Variants in CCDC170 observed in about 807,000 individuals in gnomAD.
CCDC170 encodes coiled-coil domain containing 170, also known as coiled-coil domain-containing protein 170.
Under a neutral mutation model 72.6 loss-of-function variants are expected in CCDC170, and 69 were observed. The ratio of observed to expected loss-of-function variants is 0.95; its 90% confidence interval spans 0.78 to 1.16. The LOEUF (loss-of-function observed/expected upper bound fraction) is 1.16, where lower values mean the gene tolerates loss of function less well. CCDC170 is among the 50% of genes most tolerant of loss of function. The pLI is 0.00. For synonymous variants in CCDC170, 300 were observed against 303.9 expected (o/e 0.99, Z 0.13); for missense variants, 852 against 832.5 (o/e 1.02, Z -0.29).
At chr6:151,505,670 C>A (rs569930857) in intron 1 of CCDC170, among the ~76,000 whole-genome samples, 2 of 151,600 alleles carry the variant, frequency 1.3e-5, no homozygotes, top group East Asian at 1.9e-4. Flanking sequence ...GGCGACAAAG[C>A]GAGACTCCGT....
rs548886061 is a variant in CCDC170, at chr6:151,537,790, T to C, written c.187-255T>C. On this transcript the variant is annotated intron_variant, in intron 2 of 10. Transcript: ENST00000239374. ...TTTATTGCTTATGCAATCAACATCA[T>C]AAATGTCTCCTGAATGAGACTAAAC... Among the ~76,000 whole-genome samples the C allele has an allele frequency of 4.6e-5, 7 of 152,308 alleles. No homozygotes were observed. In the South Asian group the frequency reaches 1.4e-3, roughly 32 times the overall value.
chr6:151,518,600 A>G (rs954167816), intron 1 of CCDC170, among the ~76,000 whole-genome samples: 1 of 132,698 alleles, frequency 7.5e-6, no homozygotes, highest in Non-Finnish European at 1.7e-5. Context: ...GGCTATTTTT[A>G]TAGTTATTTC....
intron 1 of CCDC170, among the ~76,000 whole-genome samples, chr6:151,498,852 G>A (rs151333039): frequency 3.4e-4 from 49 of 143,090 alleles, no homozygotes; most frequent in African/African-American, 9.3e-4. Context: ...TTCTAGGCAC[G>A]CTGTATAAGT....
chr6:151,560,339 A>G, intron 5 of CCDC170, among the ~76,000 whole-genome samples: 1 of 151,964 alleles, frequency 6.6e-6, no homozygotes, highest in East Asian at 1.9e-4. Context: ...GATATGATTT[A>G]GTTTCTTTTT....
chr6:151,565,368 G>A (rs1038787473), intron 5 of CCDC170, among the ~76,000 whole-genome samples: 3 of 152,194 alleles, frequency 2.0e-5, no homozygotes, highest in Non-Finnish European at 2.9e-5. Context: ...CTCTGGGCCT[G>A]TGAGGGGCTC....
At chr6:151,553,665 ATGT>A (rs1163231386) in intron 5 of CCDC170, among the ~76,000 whole-genome samples, 1 of 152,120 alleles carries the variant, frequency 6.6e-6, no homozygotes, top group Non-Finnish European at 1.5e-5. Context: ...GACTGATGCA[ATGT>A]TGTTCAGACT....
At chr6:151,607,394 G>T (rs1027970382) in intron 9 of CCDC170, among the ~76,000 whole-genome samples, 1 of 151,948 alleles carries the variant, frequency 6.6e-6, no homozygotes, top group Admixed American at 6.6e-5. Flanking sequence ...TTCGCAGTTT[G>T]CAGTTTGGTG....
chr6:151,552,288 T>G (rs989967628), intron 5 of CCDC170, among the ~76,000 whole-genome samples: 1 of 142,342 alleles, frequency 7.0e-6, no homozygotes, highest in African/African-American at 2.7e-5. Flanking sequence ...TAAGTTTGAC[T>G]ACGAATCTCT....
At chr6:151,559,589 T>C (rs967159728) in intron 5 of CCDC170, among the ~76,000 whole-genome samples, 1 of 152,216 alleles carries the variant, frequency 6.6e-6, no homozygotes, top group Non-Finnish European at 1.5e-5. Flanking sequence ...TTTATAAGCT[T>C]TAAGAGTTTT....
chr6:151,602,669 G>A (rs1428131485), intron 9 of CCDC170, among the ~76,000 whole-genome samples: 1 of 152,088 alleles, frequency 6.6e-6, no homozygotes, highest in East Asian at 1.9e-4. Flanking sequence ...ACTCTTGCCT[G>A]CCACCATGTA....
intron 1 of CCDC170, among the ~76,000 whole-genome samples, chr6:151,502,224 G>A (rs1420650115): frequency 6.6e-6 from 1 of 152,100 alleles, no homozygotes; most frequent in South Asian, 2.1e-4. Context: ...AGTGAACCAC[G>A]ATCACGCCAC....
chr6:151,494,152 T>C lies in CCDC170; in HGVS notation c.24T>C (p.His8=). The C allele has an allele frequency of 6.5e-7, 1 of 1,528,048 alleles. No individual in the cohort carries two copies. The highest frequency in any genetic ancestry group is 8.8e-7 in the Non-Finnish European group (1 of 1,142,750). 94.7% of individuals were successfully genotyped at this position (1,528,048 alleles called of 1,614,324 possible). A position where few individuals can be genotyped will look rare whatever the true frequency, so the allele number is the denominator to read the frequency against. The stretch of plus-strand genomic sequence containing the variant: ...TCATGAGCCTGGACTGCACCAGCCA[T>C]ATCGCGCTGGGTGCCGCTTCGCCAG... MSLDCTS[H]IALGAASPAP... is the part of the protein sequence containing the mutation. Residue 8 remains histidine (H), a synonymous_variant, in exon 1 of 11, where the codon CAT becomes CAC. Transcript: ENST00000239374.
chr6:151,584,049 G>A (rs1244961303), intron 6 of CCDC170, among the ~76,000 whole-genome samples: 2 of 152,194 alleles, frequency 1.3e-5, no homozygotes, highest in Non-Finnish European at 2.9e-5. Context: ...TAGTATTGCC[G>A]AAATGTGACA....
At chr6:151,582,490 T>C (rs973650524) in intron 6 of CCDC170, among the ~76,000 whole-genome samples, 2 of 152,216 alleles carry the variant, frequency 1.3e-5, no homozygotes, top group Admixed American at 1.3e-4. Flanking sequence ...TGATGTCTAT[T>C]CAGACCACTC....
intron 5 of CCDC170, among the ~76,000 whole-genome samples, chr6:151,549,187 G>A (rs1386516044): frequency 6.6e-6 from 1 of 152,070 alleles, no homozygotes; most frequent in Non-Finnish European, 1.5e-5. Context: ...TTACAGGCGT[G>A]AGCCACCACG....
intron 1 of CCDC170, 106 bp from the exon 2 acceptor site, chr6:151,536,212 G>A (rs1782576179): frequency 1.6e-6 from 2 of 1,284,718 alleles, no homozygotes; most frequent in African/African-American, 2.9e-5. Flanking sequence ...TGACATATTT[G>A]GAATACAAAG....
At chr6:151,589,030 G>A (rs570667052) in intron 7 of CCDC170, among the ~76,000 whole-genome samples, 36 of 152,168 alleles carry the variant, frequency 2.4e-4, no homozygotes, top group African/African-American at 7.9e-4. Context: ...GAGGTGGGTG[G>A]ATCACTTGAG....
At chr6:151,519,270 G>T (rs933250532) in intron 1 of CCDC170, among the ~76,000 whole-genome samples, 4 of 152,126 alleles carry the variant, frequency 2.6e-5, no homozygotes, top group Admixed American at 6.6e-5. Flanking sequence ...AATATTCCTT[G>T]CTGGGAAAAG....
chr6:151,596,951 T>G (rs139929333), intron 9 of CCDC170, among the ~76,000 whole-genome samples: 8,722 of 151,900 alleles, frequency 0.057, 307 homozygotes, highest in South Asian at 0.097. Context: ...CTCAGCCTCC[T>G]GAGTAGCCAG....
Sources: gnomAD v4.1 joint callset for allele counts (sites outside exome capture counted in the v4.1 genomes callset) on GRCh38, gnomAD v4.1.1 for gene constraint, MANE v1.5 for transcripts, NCBI Gene and HGNC (gene_info 2026-07-23, HGNC 2026-07-21) for gene names.